TSPAN14: variants seen among roughly 807,000 people sequenced by gnomAD.
TSPAN14 encodes the protein tetraspanin-14.
TSPAN14 carries 16 observed loss-of-function variants against 36.6 expected under a neutral mutation model. The observed-to-expected ratio is 0.44, with a 90% confidence interval of 0.30 to 0.66. The LOEUF (loss-of-function observed/expected upper bound fraction) is 0.66. Ranked by LOEUF, TSPAN14 falls within the 30% of genes least tolerant of loss-of-function variation. The pLI is 0.12. For synonymous variants in TSPAN14, 139 were observed against 143.8 expected, an observed-to-expected ratio of 0.97 and a Z score of 0.24; for missense variants, 231 against 355.1, an observed-to-expected ratio of 0.65 and a Z score of 2.81.
At position 80,479,274 on chromosome 10, in the gene TSPAN14, T is replaced by C. The variant is rs564423348; in HGVS notation, c.-17-9943T>C. On this transcript the variant is annotated intron_variant, in intron 1 of 8. Transcript: ENST00000429989. ...TCACTCTGATGGTAGTTTCTTTTGC[T>C]GTGCAGAAGCTCTTTAGTTTAATTA... Among the ~76,000 whole-genome samples the C allele has an allele frequency of 7.6e-3, 1,140 of 150,840 alleles. 6 individuals are homozygous for C. Among genetic ancestry groups the C allele is most frequent in the African/African-American group, 0.024 (972 of 41,340 alleles).
At chr10:80,497,288 C>CA (rs1848249128) in intron 2 of TSPAN14, among the ~76,000 whole-genome samples, 1 of 152,208 alleles carries the variant, frequency 6.6e-6, no homozygotes, top group African/African-American at 2.4e-5. Flanking sequence ...AGCAGGATGA[C>CA]ATCCCATCTT....
chr10:80,502,096 G>T (rs1369274324), intron 2 of TSPAN14, among the ~76,000 whole-genome samples: 1 of 152,250 alleles, frequency 6.6e-6, no homozygotes, highest in Non-Finnish European at 1.5e-5. Flanking sequence ...AACGCAGTGA[G>T]GGAGGAGCCA....
At chr10:80,456,863 G>C (rs892914636) in intron 1 of TSPAN14, among the ~76,000 whole-genome samples, 5 of 152,106 alleles carry the variant, frequency 3.3e-5, no homozygotes, top group Admixed American at 1.3e-4. Flanking sequence ...AGGAGTTCAA[G>C]ACCAGCCTGA....
chr10:80,455,951 T>C (rs898639982), intron 1 of TSPAN14, among the ~76,000 whole-genome samples: 2 of 152,130 alleles, frequency 1.3e-5, no homozygotes, highest in Non-Finnish European at 2.9e-5. Flanking sequence ...TATTTTCCCT[T>C]TCCTTCTCAT....
At chr10:80,504,999 C>T (rs1840206882) in intron 3 of TSPAN14, among the ~76,000 whole-genome samples, 1 of 152,208 alleles carries the variant, frequency 6.6e-6, no homozygotes, top group Admixed American at 6.5e-5. Flanking sequence ...GTTTTGAGCC[C>T]TGTGGATGTG....
At chr10:80,516,355 T>C (rs769369514) in intron 8 of TSPAN14, 32 bp downstream of exon 8, 4 of 1,611,750 alleles carry the variant, frequency 2.5e-6, no homozygotes, top group South Asian at 1.1e-5. Context: ...GATTGGCAGG[T>C]GGCCTTTTTT....
At chr10:80,490,526 G>T (rs1308856220) in intron 2 of TSPAN14, among the ~76,000 whole-genome samples, 1 of 152,178 alleles carries the variant, frequency 6.6e-6, no homozygotes, top group Non-Finnish European at 1.5e-5. Context: ...CAACCATGGT[G>T]CAGGGAGGTG....
intron 1 of TSPAN14, among the ~76,000 whole-genome samples, chr10:80,481,791 A>G (rs1047593565): frequency 3.3e-5 from 5 of 151,588 alleles, no homozygotes; most frequent in African/African-American, 1.2e-4. Flanking sequence ...GCGCCTGGCT[A>G]ATTTTTTTTT....
chr10:80,469,444 G>A (rs566511132), intron 1 of TSPAN14, among the ~76,000 whole-genome samples: 1 of 152,130 alleles, frequency 6.6e-6, no homozygotes, highest in Non-Finnish European at 1.5e-5. Context: ...TTCACTTTAC[G>A]CCTGCACATC....
intron 2 of TSPAN14, among the ~76,000 whole-genome samples, chr10:80,501,465 G>T (rs1356328254): frequency 6.6e-6 from 1 of 152,148 alleles, no homozygotes; most frequent in African/African-American, 2.4e-5. Flanking sequence ...AGACTTAGTA[G>T]TCAAGGTGAG....
At chr10:80,489,067 A>C (rs766024555) in intron 1 of TSPAN14, 150 bp from the exon 2 acceptor site, 2 of 588,536 alleles carry the variant, frequency 3.4e-6, no homozygotes, top group Non-Finnish European at 6.1e-6. Flanking sequence ...CATTACCTAT[A>C]CCTGGCCTTG....
At chr10:80,457,096 A>C (rs1462005348) in intron 1 of TSPAN14, among the ~76,000 whole-genome samples, 3 of 152,136 alleles carry the variant, frequency 2.0e-5, no homozygotes, top group Non-Finnish European at 4.4e-5. Context: ...AACAACCGTG[A>C]TGTCAACAGC....
intron 1 of TSPAN14, among the ~76,000 whole-genome samples, chr10:80,468,983 T>G (rs978589348): frequency 1.3e-5 from 2 of 152,208 alleles, no homozygotes; most frequent in African/African-American, 4.8e-5. Context: ...CTGTTTAAAG[T>G]TGTCGACTTT....
chr10:80,520,735 T>C lies in TSPAN14; in HGVS notation c.*2759T>C, dbSNP rs373240420. 109 of 533,406 alleles carry C rather than the reference T, an allele frequency of 2.0e-4. 2 individuals carry two copies. The highest frequency in any genetic ancestry group is 6.0e-4 in the South Asian group (43 of 71,594). 33.0% of individuals were successfully genotyped at this position (533,406 alleles called of 1,614,324 possible). A position where few individuals can be genotyped will look rare whatever the true frequency, so the allele number is the denominator to read the frequency against. On this transcript the variant is annotated 3_prime_UTR_variant, in exon 9 of 9. Coordinates refer to ENST00000429989, the Ensembl canonical transcript of TSPAN14. ...CAGGCAGCTTCTTATCTGGGCTGTC[T>C]GTACCCCTTCCTTTGCACCACCCAC...
intron 1 of TSPAN14, among the ~76,000 whole-genome samples, chr10:80,473,643 A>T (rs1846683078): frequency 6.6e-6 from 1 of 150,604 alleles, no homozygotes; most frequent in Admixed American, 6.6e-5. Flanking sequence ...GTAAAGAGTC[A>T]AACTTCTTCA....
chr10:80,504,636 C>A, intron 2 of TSPAN14, 92 bp from the exon 3 acceptor site: 1 of 1,500,164 alleles, frequency 6.7e-7, no homozygotes, highest in South Asian at 1.1e-5. Context: ...GGAGCATGCC[C>A]TACCTGGCAG....
At chr10:80,462,975 C>T (rs1284484790) in intron 1 of TSPAN14, 1 of 152,180 alleles carries the variant, frequency 6.6e-6, no homozygotes, top group East Asian at 1.9e-4. Context: ...TTGCCTGAAT[C>T]TTAGGGTCTT....
At chr10:80,521,045 A>G in exon 9 of TSPAN14, 1 of 327,450 alleles carries the variant, frequency 3.1e-6, no homozygotes, top group South Asian at 2.5e-5. Context: ...TTCCCCATGA[A>G]TAACAATGAA....
intron 8 of TSPAN14, among the ~76,000 whole-genome samples, 196 bp downstream of exon 8, chr10:80,516,519 C>G (rs975558355): frequency 1.3e-5 from 2 of 152,156 alleles, no homozygotes; most frequent in Admixed American, 6.5e-5. Context: ...TGGTGGCTTC[C>G]ATAAACGCTA....
Sources: gnomAD v4.1 joint callset for allele counts (sites outside exome capture counted in the v4.1 genomes callset) on GRCh38, gnomAD v4.1.1 for gene constraint, MANE v1.5 for transcripts, NCBI Gene and HGNC (gene_info 2026-07-23, HGNC 2026-07-21) for gene names.